The following NRXN3 variants were observed in gnomAD, a reference collection of about 807,000 sequenced individuals.
The protein encoded by NRXN3 is neurexin 3.
In NRXN3, 32 loss-of-function variants were observed where a neutral mutation model predicts 137.6. The ratio of observed to expected loss-of-function variants is 0.23; its 90% CI spans 0.18 to 0.31. The LOEUF is 0.31. Ranked by LOEUF, NRXN3 falls within the 10% of genes least tolerant of loss-of-function variation. The probability of loss-of-function intolerance (pLI) is 1.00; values close to 1 mark genes in which losing one functional copy is unlikely to be tolerated. For synonymous variants in NRXN3, 798 were observed against 784.5 expected (o/e 1.02, Z -0.29); for missense variants, 1,574 against 2,062.5 (o/e 0.76, Z 4.59).
chr14:79,758,062 T>G (rs1013401021), intron 19 of NRXN3, among the ~76,000 whole-genome samples: 5 of 152,210 alleles, frequency 3.3e-5, no homozygotes, highest in Admixed American at 6.5e-5. Flanking sequence ...TTTTTGTTTA[T>G]TTTTGTTTTT....
At chr14:78,586,753 T>G (rs2097067285) in intron 4 of NRXN3, among the ~76,000 whole-genome samples, 1 of 152,224 alleles carries the variant, frequency 6.6e-6, no homozygotes, top group East Asian at 1.9e-4. Flanking sequence ...GAAGAGCCCT[T>G]CAGCATCTGC....
chr14:79,180,595 A>T (rs1045612730), intron 15 of NRXN3, among the ~76,000 whole-genome samples: 3 of 152,140 alleles, frequency 2.0e-5, no homozygotes, highest in Admixed American at 1.3e-4. Flanking sequence ...CCTCATCTTA[A>T]CAGCTTACCC....
Position 79,423,846 on chromosome 14 carries a change from T to C in NRXN3, c.3263-43375T>C, listed in dbSNP as rs565856631. Reference sequence around the variant, plus strand: ...AGACACAAACAAATTGCCTTTCTGCTGGCTCTGAAATATTCTTTTTCAGTG... The same window carrying C: ...AGACACAAACAAATTGCCTTTCTGCCGGCTCTGAAATATTCTTTTTCAGTG... On this transcript the variant is annotated intron_variant, in intron 15 of 20. Transcript: ENST00000335750. 8.5e-4 allele frequency among the ~76,000 whole-genome samples: 130 copies of C among 152,344 alleles called. No individual in the cohort carries two copies. In the South Asian group the frequency reaches 0.026, roughly 31 times the overall value.
At chr14:79,269,838 T>C (rs143258165) in intron 15 of NRXN3, among the ~76,000 whole-genome samples, 124 of 152,246 alleles carry the variant, frequency 8.1e-4, no homozygotes, top group Middle Eastern at 3.4e-3. Context: ...AAACATAAAA[T>C]TGTTAATAAG....
At chr14:79,529,972 G>A (rs926085764) in intron 16 of NRXN3, among the ~76,000 whole-genome samples, 2 of 152,112 alleles carry the variant, frequency 1.3e-5, no homozygotes, top group Non-Finnish European at 2.9e-5. Flanking sequence ...TATTCACTCT[G>A]TTGATCCCAT....
chr14:78,957,075 C>T (rs2099398185), intron 10 of NRXN3, among the ~76,000 whole-genome samples, 167 bp from the exon 11 acceptor site: 1 of 152,192 alleles, frequency 6.6e-6, no homozygotes, highest in South Asian at 2.1e-4. Flanking sequence ...CATTTGGGGA[C>T]TCCTACAGAG....
At chr14:79,318,365 A>G (rs1329609332) in intron 15 of NRXN3, among the ~76,000 whole-genome samples, 1 of 152,258 alleles carries the variant, frequency 6.6e-6, no homozygotes, top group Non-Finnish European at 1.5e-5. Flanking sequence ...AGGAAGGGAC[A>G]GTTTGGATGC....
At chr14:79,839,001 T>G (rs1238220152) in intron 20 of NRXN3, among the ~76,000 whole-genome samples, 7 of 152,200 alleles carry the variant, frequency 4.6e-5, no homozygotes, top group Non-Finnish European at 1.5e-5. Flanking sequence ...TTCTATAAAA[T>G]AGTATGTTCT....
At chr14:79,452,839 T>C (rs1271115324) in intron 15 of NRXN3, among the ~76,000 whole-genome samples, 1 of 152,208 alleles carries the variant, frequency 6.6e-6, no homozygotes, top group African/African-American at 2.4e-5. Flanking sequence ...AAGCTAAGGC[T>C]TTGAAGGTGA....
chr14:79,728,231 T>A (rs560788041), intron 19 of NRXN3, among the ~76,000 whole-genome samples: 1 of 152,258 alleles, frequency 6.6e-6, no homozygotes, highest in Non-Finnish European at 1.5e-5. Flanking sequence ...TCTTTGTACG[T>A]TTAAAATTTA....
intron 10 of NRXN3, among the ~76,000 whole-genome samples, chr14:78,940,840 C>T (rs777115021): frequency 1.3e-5 from 2 of 151,896 alleles, no homozygotes; most frequent in African/African-American, 4.9e-5. Flanking sequence ...CTGTTGGGCA[C>T]CTAATGTGTA....
chr14:78,654,929 C>T (rs2097773561), intron 6 of NRXN3, among the ~76,000 whole-genome samples: 1 of 152,160 alleles, frequency 6.6e-6, no homozygotes, highest in South Asian at 2.1e-4. Context: ...CTTGACATGG[C>T]AGTGGTTGAA....
At chr14:78,348,515 G>A (rs1438749729) in intron 4 of NRXN3, among the ~76,000 whole-genome samples, 1 of 152,208 alleles carries the variant, frequency 6.6e-6, no homozygotes, top group Non-Finnish European at 1.5e-5. Flanking sequence ...TGCTCAGGAA[G>A]CATGGGAGAA....
rs565510613 is a variant in NRXN3, at chr14:79,117,108, A to T, written c.3262+128967A>T. The stretch of plus-strand genomic sequence containing the variant: ...TCTAACACTTGAGACATATTCAAGA[A>T]TAAGACACACATAGTCCTTGTCCTA... On this transcript the variant is annotated intron_variant, in intron 15 of 20. Coordinates refer to ENST00000335750, the MANE Select transcript of NRXN3 (RefSeq NM_001330195.2). 7.9e-5 allele frequency among the ~76,000 whole-genome samples: 12 copies of T among 152,368 alleles called. No homozygotes were observed. The Middle Eastern group carries it at 0.014, about 173-fold the overall frequency.
rs568565951 is a variant in NRXN3, at chr14:79,626,294, G to C, written c.3445-37484G>C. 6.4e-4 allele frequency among the ~76,000 whole-genome samples: 98 copies of C among 152,114 alleles called. No homozygotes were observed. The South Asian group carries it at 0.019, about 30-fold the overall frequency. On this transcript the variant is annotated intron_variant, in intron 16 of 20. Transcript: ENST00000335750. Reference sequence around the variant, plus strand: ...AGAAGAGCCAGAGCTAGATCTTCAAGGCAGTCTGGGACCTGGATCCTCCCC... The same window carrying C: ...AGAAGAGCCAGAGCTAGATCTTCAACGCAGTCTGGGACCTGGATCCTCCCC...
intron 15 of NRXN3, among the ~76,000 whole-genome samples, chr14:79,072,777 G>A (rs2099689615): frequency 6.6e-6 from 1 of 151,972 alleles, no homozygotes; most frequent in South Asian, 2.1e-4. Flanking sequence ...TTGTGATGGT[G>A]CCATTCAATG....
Position 78,221,202 on chromosome 14 carries a change from A to G in NRXN3, c.-703-21189A>G, listed in dbSNP as rs11849428. On this transcript the variant is annotated intron_variant, in intron 1 of 20. Transcript: ENST00000335750. ...AGGTAAGAAGTGAAGAGAATGGAGT[A>G]TGGGAGGGATGATAGACTGTGAGTG... Among the ~76,000 whole-genome samples, 840 of 152,172 alleles carry G rather than the reference A, an allele frequency of 5.5e-3. 10 individuals carry two copies. The highest frequency in any genetic ancestry group is 0.019 in the African/African-American group (805 of 41,518).
intron 18 of NRXN3, among the ~76,000 whole-genome samples, chr14:79,695,731 G>C (rs574371195): frequency 6.6e-6 from 1 of 151,802 alleles, no homozygotes; most frequent in South Asian, 2.1e-4. Context: ...TGAACTTTCT[G>C]CTGTGTCTTG....
At chr14:79,189,616 G>A (rs1334764276) in intron 15 of NRXN3, among the ~76,000 whole-genome samples, 2 of 151,962 alleles carry the variant, frequency 1.3e-5, no homozygotes, top group African/African-American at 4.8e-5. Flanking sequence ...CAAAGTTCAA[G>A]TCGTCTAGAG....
Sources: gnomAD v4.1 joint callset for allele counts (sites outside exome capture counted in the v4.1 genomes callset) on GRCh38, gnomAD v4.1.1 for gene constraint, MANE v1.5 for transcripts, NCBI Gene and HGNC (gene_info 2026-07-23, HGNC 2026-07-21) for gene names.